YAE1: variants seen among roughly 807,000 people sequenced by gnomAD.
YAE1 encodes the protein YAE1 maturation factor of ABCE1.
Under a neutral mutation model 23.0 loss-of-function variants are expected in YAE1, and 22 were observed. The observed-to-expected ratio is 0.96, with a 90% confidence interval of 0.68 to 1.37. YAE1 has a LOEUF of 1.37. Ranked by LOEUF, YAE1 falls within the 40% of genes most tolerant of loss-of-function variation. The pLI is 0.00. For missense variants in YAE1, 260 were observed against 262.1 expected (o/e 0.99, Z 0.06); for synonymous variants, 101 against 97.0 (o/e 1.04, Z -0.24).
rs148648541 is a variant in YAE1 at position 39,591,178 on chromosome 7, C to T, written c.252-18439C>T. ...CTTCTTACAAGAATACCAGTCAGAC[C>T]GGATTAAGGCCCACCCTAAGGACCT... is the stretch of plus-strand genomic sequence containing the variant. On this transcript the variant is annotated intron_variant, in intron 2 of 2. Coordinates refer to the YAE1 transcript ENST00000432096. Among the ~76,000 whole-genome samples, 417 of 152,250 alleles carry T rather than the reference C, an allele frequency of 2.7e-3. 1 individual carries two copies. The highest frequency in any genetic ancestry group is 9.1e-3 in the African/African-American group (377 of 41,542).
At chr7:39,568,910 C>T (rs1474891177) in intron 1 of YAE1, among the ~76,000 whole-genome samples, 3 of 152,120 alleles carry the variant, frequency 2.0e-5, no homozygotes, top group African/African-American at 2.4e-5. Context: ...TCTAAAACCA[C>T]GGAATTGTCA....
chr7:39,609,738 A>C (rs1791181320), exon 3 of YAE1: 1 of 1,535,324 alleles, frequency 6.5e-7, no homozygotes, highest in African/African-American at 1.4e-5. Flanking sequence ...GGCGACACCG[A>C]AGCAGCCCAC....
chr7:39,581,413 A>G (rs1479569316), intron 2 of YAE1, among the ~76,000 whole-genome samples: 2 of 152,224 alleles, frequency 1.3e-5, no homozygotes, highest in South Asian at 2.1e-4. Flanking sequence ...ATAAAGCAAA[A>G]TGACTGAAAT....
rs543303493 is a variant in YAE1, at chr7:39,605,670, A to G, written c.252-3947A>G. Among the ~76,000 whole-genome samples the G allele has an allele frequency of 4.6e-5, 7 of 152,106 alleles. No individual in the cohort carries two copies. The South Asian group carries it at 6.2e-4, about 14-fold the overall frequency. On this transcript the variant is annotated intron_variant, in intron 2 of 2. Transcript: ENST00000432096. Reference sequence around the variant, plus strand: ...ATTGGCTCTCCTGGGTCTCCAGCTCATTGCCTGCAGATCTCGGGACTTCTC... The same window carrying G: ...ATTGGCTCTCCTGGGTCTCCAGCTCGTTGCCTGCAGATCTCGGGACTTCTC...
chr7:39,574,350 C>T (rs1022441776), downstream of YAE1, among the ~76,000 whole-genome samples: 4 of 152,176 alleles, frequency 2.6e-5, no homozygotes, highest in Non-Finnish European at 5.9e-5. Context: ...GTAATCTCAA[C>T]ACTTTGGGAG....
At chr7:39,580,951 G>A (rs1023117633) in intron 2 of YAE1, among the ~76,000 whole-genome samples, 2 of 152,146 alleles carry the variant, frequency 1.3e-5, no homozygotes, top group East Asian at 1.9e-4. Flanking sequence ...TCAATCAGAA[G>A]CAATGTAAAA....
At chr7:39,568,758 G>A (rs1284047789) in intron 1 of YAE1, among the ~76,000 whole-genome samples, 4 of 152,256 alleles carry the variant, frequency 2.6e-5, no homozygotes, top group South Asian at 2.1e-4. Context: ...TATTGGAATC[G>A]AGAGAATACC....
chr7:39,597,596 A>G lies in YAE1; in HGVS notation c.252-12021A>G, dbSNP rs2876858. ...GACTCTGGGGAAAAATATACTTCTG[A>G]TCATCTAGCAAACCTTTATCCACTG... On this transcript the variant is annotated intron_variant, in intron 2 of 2. Coordinates refer to the YAE1 transcript ENST00000432096. 7.0e-3 allele frequency among the ~76,000 whole-genome samples: 1,064 copies of G among 152,312 alleles called. 20 individuals carry two copies. The highest frequency in any genetic ancestry group is 0.024 in the African/African-American group (1,009 of 41,554).
intron 2 of YAE1, among the ~76,000 whole-genome samples, chr7:39,590,723 T>G (rs1005964761): frequency 6.6e-6 from 1 of 152,210 alleles, no homozygotes; most frequent in Non-Finnish European, 1.5e-5. Context: ...TCACATGAAG[T>G]CAGATCTGGA....
At chr7:39,568,094 C>G (rs189559423) in intron 1 of YAE1, among the ~76,000 whole-genome samples, 2,554 of 151,946 alleles carry the variant, frequency 0.017, 84 homozygotes, top group African/African-American at 0.057. Flanking sequence ...AAAAATTAGC[C>G]GGGTATAGTG....
At chr7:39,603,427 C>G (rs773084170) in intron 2 of YAE1, among the ~76,000 whole-genome samples, 1 of 152,170 alleles carries the variant, frequency 6.6e-6, no homozygotes, top group Admixed American at 6.5e-5. Flanking sequence ...TGTGAGCCAC[C>G]GCGCCCGGCT....
chr7:39,570,268 C>CA (rs1445455970), intron 1 of YAE1: 2 of 641,862 alleles, frequency 3.1e-6, no homozygotes, highest in African/African-American at 1.8e-5. Flanking sequence ...CTGTGACTAT[C>CA]AGTGTTTTAA....
intron 2 of YAE1, among the ~76,000 whole-genome samples, chr7:39,590,274 CAGAT>C (rs2115819779): frequency 6.6e-6 from 1 of 152,214 alleles, no homozygotes; most frequent in Non-Finnish European, 1.5e-5. Flanking sequence ...TATTTTAAAA[CAGAT>C]AATCATTTAA....
downstream of YAE1, among the ~76,000 whole-genome samples, chr7:39,575,974 T>G (rs374434278): frequency 1.6e-4 from 24 of 152,270 alleles, no homozygotes; most frequent in South Asian, 4.6e-3. Context: ...TCCCTATCAT[T>G]TTGCTAACTC....
chr7:39,576,788 G>T (rs371686938), downstream of YAE1, among the ~76,000 whole-genome samples: 3 of 151,708 alleles, frequency 2.0e-5, no homozygotes, highest in Admixed American at 2.0e-4. Flanking sequence ...GGTGGTGCTT[G>T]ATGAGAGAAA....
At chr7:39,572,893 C>G (rs1257466742), downstream of YAE1, 3 of 1,223,372 alleles carry the variant, frequency 2.5e-6, no homozygotes, top group Non-Finnish European at 3.1e-6. Flanking sequence ...TTCTTTGTCA[C>G]TGGTAATTTT....
chr7:39,567,295 T>A (rs991475596), intron 1 of YAE1, among the ~76,000 whole-genome samples: 4 of 152,176 alleles, frequency 2.6e-5, no homozygotes, highest in Non-Finnish European at 1.5e-5. Context: ...ATGTTGTCAA[T>A]TACAAAAATG....
chr7:39,567,098 C>G (rs1168554849), intron 1 of YAE1: 2 of 152,344 alleles, frequency 1.3e-5, no homozygotes, highest in African/African-American at 4.8e-5. Context: ...TCTAATTTGT[C>G]TCACTATTCA....
exon 3 of YAE1, chr7:39,609,717 A>G: frequency 6.5e-7 from 1 of 1,535,528 alleles, no homozygotes; most frequent in Non-Finnish European, 8.7e-7. Context: ...CCCCGGCCAC[A>G]TGGCGAGCGG....
Sources: gnomAD v4.1 joint callset for allele counts (sites outside exome capture counted in the v4.1 genomes callset) on GRCh38, gnomAD v4.1.1 for gene constraint, MANE v1.5 for transcripts, NCBI Gene and HGNC (gene_info 2026-07-23, HGNC 2026-07-21) for gene names.